The following ZNF268 variants were observed in gnomAD, a reference collection of about 807,000 sequenced individuals.
ZNF268 encodes the protein zinc finger protein 268, also known as zinc finger protein 3.
Under a neutral mutation model 29.3 loss-of-function variants are expected in ZNF268, and 20 were observed. The ratio of observed to expected loss-of-function variants is 0.68; its 90% CI spans 0.48 to 0.99. ZNF268 has a LOEUF of 0.99. Ranked by LOEUF, ZNF268 falls within the 50% of genes least tolerant of loss-of-function variation. The probability of loss-of-function intolerance (pLI) is 0.00; values close to 1 mark genes in which losing one functional copy is unlikely to be tolerated. For missense variants in ZNF268, 1,240 were observed against 1,121.6 expected (o/e 1.11, Z -1.51); for synonymous variants, 429 against 376.9 (o/e 1.14, Z -1.60).
At chr12:133,201,959 T>A (rs1956760530) in intron 5 of ZNF268, among the ~76,000 whole-genome samples, 185 bp from the exon 6 acceptor site, 1 of 152,126 alleles carries the variant, frequency 6.6e-6, no homozygotes, top group African/African-American at 2.4e-5. Flanking sequence ...TGAGAATTTA[T>A]TTATATTCAG....
At chr12:133,193,505 A>G (rs1256441156) in intron 5 of ZNF268, 2 of 698,268 alleles carry the variant, frequency 2.9e-6, no homozygotes, top group Admixed American at 2.0e-5. Context: ...TGCTTCCAAG[A>G]TGACGCCTTG....
At chr12:133,194,317 A>T (rs1466347381) in intron 5 of ZNF268, among the ~76,000 whole-genome samples, 1 of 152,210 alleles carries the variant, frequency 6.6e-6, no homozygotes. Flanking sequence ...GAAGTGATTT[A>T]TTATTACACA....
chr12:133,193,199 G>T (rs1280840431), intron 5 of ZNF268, among the ~76,000 whole-genome samples: 5 of 152,082 alleles, frequency 3.3e-5, no homozygotes, highest in African/African-American at 1.2e-4. Flanking sequence ...TGAGCATGGT[G>T]GTGTGCACCT....
chr12:133,192,545 C>T (rs950494251), intron 5 of ZNF268, among the ~76,000 whole-genome samples: 1 of 152,174 alleles, frequency 6.6e-6, no homozygotes, highest in African/African-American at 2.4e-5. Flanking sequence ...TGATCCTTCC[C>T]TTTCCTTTCT....
At chr12:133,188,976 A>G (rs111242543) in intron 3 of ZNF268, among the ~76,000 whole-genome samples, 5 of 152,098 alleles carry the variant, frequency 3.3e-5, no homozygotes, top group African/African-American at 1.2e-4. Context: ...TCCTAAGCTC[A>G]TAAAGATCTT....
intron 2 of ZNF268, chr12:133,184,876 A>T: frequency 3.2e-6 from 1 of 308,362 alleles, no homozygotes; most frequent in Non-Finnish European, 7.0e-6. Context: ...CAGTCATAAA[A>T]ACCTAAATGG....
chr12:133,193,781 C>T (rs924005337), intron 5 of ZNF268, among the ~76,000 whole-genome samples: 34 of 152,190 alleles, frequency 2.2e-4, no homozygotes, highest in African/African-American at 7.5e-4. Flanking sequence ...TTTTATCTGC[C>T]CTTTGGTCCT....
At chr12:133,188,435 A>G (rs1266060536) in intron 3 of ZNF268, among the ~76,000 whole-genome samples, 1 of 152,098 alleles carries the variant, frequency 6.6e-6, no homozygotes, top group Non-Finnish European at 1.5e-5. Flanking sequence ...AAGCTCAAGC[A>G]GTCCTCCTGC....
rs778701391 is a variant in ZNF268 at position 133,202,467 on chromosome 12, A to G, written c.781A>G (p.Lys261Glu). The G allele has an allele frequency of 6.2e-6, 10 of 1,611,916 alleles. No homozygotes were observed. Among genetic ancestry groups the G allele is most frequent in the Non-Finnish European group, 1.7e-6 (2 of 1,178,938 alleles). The change falls in exon 6 of 6, where the codon AAA becomes GAA. Residue 261 changes from lysine to glutamate, a missense_variant. Physicochemically the swap from Lys to Glu is moderately conservative, Grantham distance 56 (BLOSUM62 1). Transcript: ENST00000536435. The stretch of plus-strand genomic sequence containing the variant: ...TGAATCTGGAAAAACCGTCAATAAG[A>G]AATCGCAACTTATGTGCCAACAAAT... ...SIESGKTVNK[K>E]SQLMCQQMYM... is the part of the protein sequence containing the mutation.
chr12:133,190,565 T>A (rs1469275636), intron 3 of ZNF268, among the ~76,000 whole-genome samples: 16 of 152,204 alleles, frequency 1.1e-4, no homozygotes, highest in Non-Finnish European at 1.2e-4. Context: ...TGAGCATGCT[T>A]TGTATGCTCA....
chr12:133,199,657 A>T (rs1394614275), intron 5 of ZNF268, among the ~76,000 whole-genome samples: 2 of 152,048 alleles, frequency 1.3e-5, no homozygotes, highest in African/African-American at 4.8e-5. Context: ...CTGTGAATCC[A>T]TCTGGTCCTG....
Position 133,211,415 on chromosome 12 carries a change from CT to C in ZNF268, c.*6886del, listed in dbSNP as rs1956978694. 4.7e-6 allele frequency: 1 copy of C among 211,114 alleles called. No individual in the cohort carries two copies. Among genetic ancestry groups the C allele is most frequent in the African/African-American group, 2.4e-5 (1 of 42,386 alleles). The allele number at this position is 211,114 out of a possible 1,614,324, so 13.1% of individuals were successfully genotyped here. A position where few individuals can be genotyped will look rare whatever the true frequency, so the allele number is the denominator to read the frequency against. ...TGACCAACATGGAGAAACCCTGTCT[CT>C]ACTAAAAATACAAAATTAGCCAGGC... On this transcript the variant is annotated 3_prime_UTR_variant, in exon 6 of 6. Transcript: ENST00000536435.
rs1956862190 is a variant in ZNF268 at position 133,204,908 on chromosome 12, T to C, written c.*378T>C. ...ATAGAATAGACTTCTTTGAAATTCA[T>C]AGTTTACAGAATTTTAATGAGAGAA... On this transcript the variant is annotated 3_prime_UTR_variant, in exon 6 of 6. Transcript: ENST00000536435. The C allele has an allele frequency of 1.8e-5, 3 of 164,970 alleles. No individual in the cohort carries two copies. The highest frequency in any genetic ancestry group is 3.9e-5 in the Non-Finnish European group (3 of 77,028). The allele number at this position is 164,970 out of a possible 1,614,324, so 10.2% of individuals were successfully genotyped here.
intron 3 of ZNF268, 142 bp downstream of exon 3, chr12:133,188,214 T>G: frequency 1.4e-6 from 1 of 733,354 alleles, no homozygotes; most frequent in Middle Eastern, 3.9e-4. Flanking sequence ...CTTTTTTTTT[T>G]GAGACAGGGT....
chr12:133,204,541 A>G lies in ZNF268; in HGVS notation c.*11A>G. ...GATGACAAACATTGATAATTTTACGAAACTCTGAAAAGTGGATTCACAAGA... is the reference window on the plus strand; with the variant it reads ...GATGACAAACATTGATAATTTTACGGAACTCTGAAAAGTGGATTCACAAGA... On this transcript the variant is annotated 3_prime_UTR_variant, in exon 6 of 6. Transcript: ENST00000536435. 5 of 1,475,520 alleles carry G rather than the reference A, an allele frequency of 3.4e-6. No homozygotes were observed. The highest frequency in any genetic ancestry group is 1.3e-5 in the South Asian group (1 of 74,236). The allele number at this position is 1,475,520 out of a possible 1,614,324, so 91.4% of individuals were successfully genotyped here. A position where few individuals can be genotyped will look rare whatever the true frequency, so the allele number is the denominator to read the frequency against.
rs1566370377 is a variant in ZNF268 at position 133,191,934 on chromosome 12, ATCT to A, written c.391_393del (p.Phe131del). On this transcript the variant is annotated inframe_deletion, in exon 5 of 6. Coordinates refer to ENST00000536435, the MANE Select transcript of ZNF268 (RefSeq NM_003415.3). ...GTACCAACACACCAAACCTGATATC[ATCT>A]TCAAGTTGGAACAAGGAGAAGAGCT... The A allele has an allele frequency of 6.2e-7, 1 of 1,614,112 alleles. No homozygotes were observed. The highest frequency in any genetic ancestry group is 1.1e-5 in the South Asian group (1 of 91,088).
At position 133,202,625 on chromosome 12, in the gene ZNF268, C is replaced by T; in HGVS notation, c.939C>T (p.Phe313=). 1.2e-6 allele frequency: 2 copies of T among 1,604,900 alleles called. No homozygotes were observed. Among genetic ancestry groups the T allele is most frequent in the Non-Finnish European group, 1.7e-6 (2 of 1,175,134 alleles). The change falls in exon 6 of 6, where the codon TTC becomes TTT. Residue 313 remains phenylalanine, a synonymous_variant. Coordinates refer to ENST00000536435, the MANE Select transcript of ZNF268 (RefSeq NM_003415.3). ...GTTGTAATGAATGTGGGAAAGACTT[C>T]AGTAGTAAATCATACCTCATTGTAC... The part of the protein sequence containing the change: ...PYGCNECGKD[F]SSKSYLIVHQ...
At chr12:133,187,843 C>T (rs747370174) in intron 2 of ZNF268, 29 bp from the exon 3 acceptor site, 16 of 1,557,920 alleles carry the variant, frequency 1.0e-5, no homozygotes, top group Middle Eastern at 1.7e-4. Flanking sequence ...ATAATGCTCG[C>T]TAAAGTAAAT....
intron 2 of ZNF268, among the ~76,000 whole-genome samples, chr12:133,186,238 T>C (rs1956310998): frequency 6.6e-6 from 1 of 152,074 alleles, no homozygotes; most frequent in African/African-American, 2.4e-5. Context: ...TTATTTAGTC[T>C]CTGGATGTAG....
Sources: gnomAD v4.1 joint callset for allele counts (sites outside exome capture counted in the v4.1 genomes callset) on GRCh38, gnomAD v4.1.1 for gene constraint, MANE v1.5 for transcripts, NCBI Gene and HGNC (gene_info 2026-07-23, HGNC 2026-07-21) for gene names.